Variants in FLRT2 observed in about 807,000 individuals in gnomAD.
The protein encoded by FLRT2 is fibronectin leucine rich transmembrane protein 2.
In FLRT2, 15 loss-of-function variants were observed where a neutral mutation model predicts 40.0. That is an observed-to-expected ratio of 0.38 (90% CI 0.25 to 0.58). FLRT2 has a LOEUF of 0.58. Among genes scored for constraint, FLRT2 ranks in the 20% least tolerant of loss-of-function variants. FLRT2 has a pLI of 0.71. For missense variants in FLRT2, 726 were observed against 840.0 expected (o/e 0.86, Z 1.68); for synonymous variants, 380 against 336.8 (o/e 1.13, Z -1.41).
intron 1 of FLRT2, among the ~76,000 whole-genome samples, chr14:85,544,941 A>C (rs1889194854): frequency 6.6e-6 from 1 of 152,122 alleles, no homozygotes; most frequent in East Asian, 1.9e-4. Context: ...GATAGAGCAC[A>C]GTTTGATATG....
intron 1 of FLRT2, among the ~76,000 whole-genome samples, chr14:85,557,172 C>T (rs1890018951): frequency 1.3e-5 from 2 of 151,932 alleles, no homozygotes; most frequent in Admixed American, 1.3e-4. Context: ...CAAACCATAT[C>T]AGATGTTATG....
intron 1 of FLRT2, among the ~76,000 whole-genome samples, chr14:85,599,660 A>G (rs1164632113): frequency 6.6e-6 from 1 of 152,126 alleles, no homozygotes; most frequent in Non-Finnish European, 1.5e-5. Flanking sequence ...TTAATCTTTA[A>G]TCAGTTCAAT....
At chr14:85,552,252 C>T (rs1889674181) in intron 1 of FLRT2, among the ~76,000 whole-genome samples, 2 of 152,152 alleles carry the variant, frequency 1.3e-5, no homozygotes, top group African/African-American at 2.4e-5. Flanking sequence ...GTTTAGTCTA[C>T]TTGGGTTTGT....
intron 1 of FLRT2, among the ~76,000 whole-genome samples, chr14:85,567,726 C>T (rs528131672): frequency 9.1e-4 from 137 of 150,618 alleles, no homozygotes; most frequent in African/African-American, 3.3e-3. Context: ...CTGCAACCTC[C>T]GCCTTCTGGG....
chr14:85,579,743 A>T (rs1891301960), intron 1 of FLRT2, among the ~76,000 whole-genome samples: 1 of 152,134 alleles, frequency 6.6e-6, no homozygotes, highest in South Asian at 2.1e-4. Flanking sequence ...GTCATTATCA[A>T]GACTGTATTT....
chr14:85,550,767 CTTATA>C (rs1889573115), intron 1 of FLRT2, among the ~76,000 whole-genome samples: 1 of 152,066 alleles, frequency 6.6e-6, no homozygotes, highest in Non-Finnish European at 1.5e-5. Context: ...GATATTAGAA[CTTATA>C]TTTGATTATA....
At chr14:85,532,894 G>T (rs906435406) in intron 1 of FLRT2, among the ~76,000 whole-genome samples, 2 of 152,156 alleles carry the variant, frequency 1.3e-5, no homozygotes, top group South Asian at 2.1e-4. Flanking sequence ...CATTAAGCAG[G>T]TATGGGGAAT....
At chr14:85,608,085 G>C (rs911042242) in intron 1 of FLRT2, among the ~76,000 whole-genome samples, 11 of 151,994 alleles carry the variant, frequency 7.2e-5, no homozygotes, top group Admixed American at 2.6e-4. Context: ...ATTTTAACTC[G>C]ATGCTCCCCT....
chr14:85,550,299 C>G (rs368914099), intron 1 of FLRT2, among the ~76,000 whole-genome samples: 2 of 152,040 alleles, frequency 1.3e-5, no homozygotes. Context: ...TTCTCAAGTA[C>G]GAGATTCTAA....
intron 1 of FLRT2, among the ~76,000 whole-genome samples, chr14:85,580,903 C>A (rs543016848): frequency 2.6e-5 from 4 of 152,218 alleles, no homozygotes; most frequent in African/African-American, 9.6e-5. Context: ...AAGTAAAGTA[C>A]CTGGTGTACA....
rs1339793779 is a variant in FLRT2, at chr14:85,566,009, G to C, written c.-377+35475G>C. 2.6e-5 allele frequency among the ~76,000 whole-genome samples: 4 copies of C among 152,060 alleles called. No individual in the cohort carries two copies. In the East Asian group the frequency reaches 7.7e-4, roughly 29 times the overall value. On this transcript the variant is annotated intron_variant, in intron 1 of 1. Transcript: ENST00000330753. ...TGTCAACTGCCACCCCTCCCACCCC[G>C]ATGTTCCCACCAATCATTAGAATAA...
rs1163034729 is a variant in FLRT2, at chr14:85,641,392, T to A, written c.*17895T>A. ...CAGGATTTTCAAGGTAGAAGTGAAG[T>A]GGAAACTCTCTTCTTACTAATGTCA... On this transcript the variant is annotated 3_prime_UTR_variant, in exon 2 of 2. Coordinates refer to ENST00000330753, the MANE Select transcript of FLRT2 (RefSeq NM_013231.6). The A allele has an allele frequency of 6.6e-6, 1 of 152,216 alleles. No homozygotes were observed. Among genetic ancestry groups the A allele is most frequent in the African/African-American group, 2.4e-5 (1 of 41,452 alleles). 9.4% of individuals were successfully genotyped at this position (152,216 alleles called of 1,614,324 possible). A position where few individuals can be genotyped will look rare whatever the true frequency, so the allele number is the denominator to read the frequency against.
At chr14:85,571,518 G>C (rs953237214) in intron 1 of FLRT2, among the ~76,000 whole-genome samples, 9 of 152,266 alleles carry the variant, frequency 5.9e-5, no homozygotes, top group Admixed American at 1.3e-4. Context: ...ATGCTCAAAG[G>C]CTGCCTATAC....
In FLRT2 at chr14:85,645,881, A is replaced by G. The variant is rs1894288250; in HGVS notation, c.*22384A>G. The stretch of plus-strand genomic sequence containing the variant: ...CTGAGTACCTAAGAGCCCAATTCTG[A>G]TACTCTCATATTGCACTATTCACTA... On this transcript the variant is annotated 3_prime_UTR_variant, in exon 2 of 2. Coordinates refer to ENST00000330753, the MANE Select transcript of FLRT2 (RefSeq NM_013231.6). 1 of 152,140 alleles carries G rather than the reference A, an allele frequency of 6.6e-6. No individual in the cohort carries two copies. The highest frequency in any genetic ancestry group is 2.4e-5 in the African/African-American group (1 of 41,450). 9.4% of individuals were successfully genotyped at this position (152,140 alleles called of 1,614,324 possible).
chr14:85,558,626 C>T (rs1191565546), intron 1 of FLRT2, among the ~76,000 whole-genome samples: 2 of 152,064 alleles, frequency 1.3e-5, no homozygotes, highest in African/African-American at 4.8e-5. Flanking sequence ...TTACAGTGCT[C>T]CTTGCTACCT....
At chr14:85,583,692 C>T (rs1891489707) in intron 1 of FLRT2, among the ~76,000 whole-genome samples, 2 of 152,162 alleles carry the variant, frequency 1.3e-5, no homozygotes, top group African/African-American at 4.8e-5. Context: ...ATTTACTTTA[C>T]ATAACGTGGA....
In FLRT2 at chr14:85,646,891, A is replaced by G. The variant is rs983920395; in HGVS notation, c.*23394A>G. 1.3e-5 allele frequency: 2 copies of G among 152,314 alleles called. No homozygotes were observed. Among genetic ancestry groups the G allele is most frequent in the Admixed American group, 6.5e-5 (1 of 15,290 alleles). 9.4% of individuals were successfully genotyped at this position (152,314 alleles called of 1,614,324 possible). On this transcript the variant is annotated 3_prime_UTR_variant, in exon 2 of 2. Coordinates refer to ENST00000330753, the MANE Select transcript of FLRT2 (RefSeq NM_013231.6). ...TGATGGTATGGTTATGTGGACCAGA[A>G]CTGAAGTTTAAGGAAGGGGCTTAAG... is the stretch of plus-strand genomic sequence containing the variant.
rs764910003 is a variant in FLRT2, at chr14:85,622,189, C to T, written c.675C>T (p.Thr225=). The change falls in exon 2 of 2, where the codon ACC becomes ACT. Residue 225 remains threonine, a synonymous_variant. Transcript: ENST00000330753. ...LLTNKGIAEG[T]FSHLTKLKEF... ...CCAACAAGGGTATCGCCGAGGGCAC[C>T]TTCAGCCATCTCACCAAGCTCAAGG... 2.5e-6 allele frequency: 4 copies of T among 1,614,120 alleles called. No homozygotes were observed. Among genetic ancestry groups the T allele is most frequent in the Non-Finnish European group, 3.4e-6 (4 of 1,180,016 alleles).
chr14:85,644,342 C>T lies in FLRT2; in HGVS notation c.*20845C>T, dbSNP rs8018835. 45 of 152,082 alleles carry T rather than the reference C, an allele frequency of 3.0e-4. No homozygotes were observed. The highest frequency in any genetic ancestry group is 1.1e-3 in the African/African-American group (44 of 41,490). 9.4% of individuals were successfully genotyped at this position (152,082 alleles called of 1,614,324 possible). Reference sequence around the variant, plus strand: ...TTTTTATCTCAATAGGCAAAGAACACTAAAGTAGTCTGCTTTCACTTTCAT... The same window carrying T: ...TTTTTATCTCAATAGGCAAAGAACATTAAAGTAGTCTGCTTTCACTTTCAT... On this transcript the variant is annotated 3_prime_UTR_variant, in exon 2 of 2. Transcript: ENST00000330753.
Sources: gnomAD v4.1 joint callset for allele counts (sites outside exome capture counted in the v4.1 genomes callset) on GRCh38, gnomAD v4.1.1 for gene constraint, MANE v1.5 for transcripts, NCBI Gene and HGNC (gene_info 2026-07-23, HGNC 2026-07-21) for gene names.